The following LRP1B variants were observed in gnomAD, a reference collection of about 807,000 sequenced individuals.
The protein encoded by LRP1B is low-density lipoprotein receptor-related protein 1B.
A neutral mutation model predicts 556.6 loss-of-function variants in LRP1B; 217 were observed. That is an observed-to-expected ratio of 0.39 (90% CI 0.35 to 0.44). The LOEUF (loss-of-function observed/expected upper bound fraction) is 0.44. Ranked by LOEUF, LRP1B falls within the 20% of genes least tolerant of loss-of-function variation. The pLI, the probability that LRP1B is intolerant of heterozygous loss-of-function variation, is 1.00. For missense variants in LRP1B, 5,053 were observed against 5,620.8 expected, an observed-to-expected ratio of 0.90 and a Z score of 3.23; for synonymous variants, 2,047 against 1,865.8, an observed-to-expected ratio of 1.10 and a Z score of -2.50.
intron 3 of LRP1B, among the ~76,000 whole-genome samples, chr2:141,345,057 A>G (rs754447298): frequency 6.6e-6 from 1 of 152,194 alleles, no homozygotes; most frequent in Non-Finnish European, 1.5e-5. Context: ...AAGGAGAAGT[A>G]CGTTACAAAG....
chr2:141,927,383 T>G (rs1384516238), intron 1 of LRP1B, among the ~76,000 whole-genome samples: 2 of 152,108 alleles, frequency 1.3e-5, no homozygotes, highest in African/African-American at 4.8e-5. Context: ...GTAAACGATA[T>G]TTTTATAAAA....
At chr2:140,709,432 G>A (rs1030992317) in intron 37 of LRP1B, among the ~76,000 whole-genome samples, 13 of 150,482 alleles carry the variant, frequency 8.6e-5, no homozygotes, top group African/African-American at 3.1e-4. Context: ...AAGAGGAGGA[G>A]GGGGAGGAGG....
chr2:141,841,748 G>A (rs1262782830), intron 1 of LRP1B, among the ~76,000 whole-genome samples: 1 of 152,054 alleles, frequency 6.6e-6, no homozygotes, highest in Non-Finnish European at 1.5e-5. Flanking sequence ...TAGAAGTAAT[G>A]GTTTAACAAT....
rs557607735 is a variant in LRP1B, at chr2:140,525,902, G to A, written c.7968C>T (p.Thr2656=). ...CNSTSLCVLP[T]WICDGSNDCG... ...AGTCATTAGACCCGTCGCATATCCA[G>A]GTTGGCAGAACACACAGTGAGGTAG... is the stretch of plus-strand genomic sequence containing the variant. Residue 2656 remains threonine, a synonymous_variant, in exon 49 of 91, where the codon ACC becomes ACT. Transcript: ENST00000389484. 3.1e-6 allele frequency: 5 copies of A among 1,612,444 alleles called. No homozygotes were observed. In the South Asian group the frequency reaches 4.4e-5, roughly 14 times the overall value.
rs374345713 is a variant in LRP1B, at chr2:142,005,736, T to C, written c.82+124912A>G. ...TATCAAACTTGCAAAGCTATTTCAATATGAAAAGCCTAATCTTATTTCTCT... is the reference window on the plus strand; with the variant it reads ...TATCAAACTTGCAAAGCTATTTCAACATGAAAAGCCTAATCTTATTTCTCT... On this transcript the variant is annotated intron_variant, in intron 1 of 90. Coordinates refer to ENST00000389484, the MANE Select transcript of LRP1B (RefSeq NM_018557.3). Among the ~76,000 whole-genome samples, 92 of 152,188 alleles carry C rather than the reference T, an allele frequency of 6.0e-4. 2 individuals are homozygous for C. In the South Asian group the frequency reaches 6.8e-3, roughly 11 times the overall value.
intron 2 of LRP1B, among the ~76,000 whole-genome samples, chr2:141,652,854 C>A (rs778885640): frequency 6.6e-6 from 1 of 152,128 alleles, no homozygotes; most frequent in Non-Finnish European, 1.5e-5. Context: ...AGAAGAATGT[C>A]TACCTCTTGT....
chr2:140,631,040 G>C (rs11903511), intron 41 of LRP1B, among the ~76,000 whole-genome samples: 5,115 of 152,208 alleles, frequency 0.034, 134 homozygotes, highest in African/African-American at 0.071. Flanking sequence ...GAGCTGCAAG[G>C]CTCAGCCTCT....
chr2:141,860,458 C>T (rs993061174), intron 1 of LRP1B, among the ~76,000 whole-genome samples: 1 of 152,086 alleles, frequency 6.6e-6, no homozygotes, highest in Non-Finnish European at 1.5e-5. Context: ...TTCAAACTGG[C>T]AAGGAAAAGC....
At chr2:141,525,918 CTTT>C (rs936278510) in intron 2 of LRP1B, among the ~76,000 whole-genome samples, 31 of 151,948 alleles carry the variant, frequency 2.0e-4, no homozygotes, top group African/African-American at 7.0e-4. Flanking sequence ...GCTGGGTGTT[CTTT>C]GTTTTATTAT....
In LRP1B at chr2:140,297,839, C is replaced by T; in HGVS notation, c.12936G>A (p.Gln4312=). The T allele has an allele frequency of 6.2e-7, 1 of 1,613,750 alleles. No homozygotes were observed. The highest frequency in any genetic ancestry group is 8.5e-7 in the Non-Finnish European group (1 of 1,179,840). Reference sequence around the variant, plus strand: ...GACATCTGTCTCCGGTGTATTCCGGCTGGCAGTGGCAGTAAGGCTGGTTTC... The same window carrying T: ...GACATCTGTCTCCGGTGTATTCCGGTTGGCAGTGGCAGTAAGGCTGGTTTC... ...TAGNQPYCHC[Q]PEYTGDRCQY... The change falls in exon 84 of 91, where the codon CAG becomes CAA. Residue 4312 remains glutamine, a synonymous_variant. Transcript: ENST00000389484.
intron 7 of LRP1B, among the ~76,000 whole-genome samples, chr2:141,169,998 G>T (rs1351197660): frequency 6.6e-6 from 1 of 151,828 alleles, no homozygotes; most frequent in African/African-American, 2.4e-5. Context: ...TCATGGTGTG[G>T]GGTTAAATCT....
intron 66 of LRP1B, among the ~76,000 whole-genome samples, chr2:140,390,768 TCA>T (rs70985096): frequency 0.069 from 9,964 of 143,630 alleles, 450 homozygotes; most frequent in African/African-American, 0.13. Context: ...AATAGAAACT[TCA>T]CACACACACA....
At chr2:140,655,371 T>C (rs1684841706) in intron 41 of LRP1B, among the ~76,000 whole-genome samples, 1 of 152,168 alleles carries the variant, frequency 6.6e-6, no homozygotes, top group African/African-American at 2.4e-5. Flanking sequence ...TTCTAGGTTC[T>C]TATAATTGTC....
At chr2:141,425,031 T>G (rs1397466368) in intron 3 of LRP1B, among the ~76,000 whole-genome samples, 1 of 151,266 alleles carries the variant, frequency 6.6e-6, no homozygotes, top group Non-Finnish European at 1.5e-5. Context: ...AACTCGTCAT[T>G]TAGCATTAGG....
In LRP1B at chr2:140,286,024, A is replaced by G. The variant is rs548686963; in HGVS notation, c.12968-11426T>C. Among the ~76,000 whole-genome samples, 64 of 152,012 alleles carry G rather than the reference A, an allele frequency of 4.2e-4. 1 individual carries two copies. The Middle Eastern group carries it at 0.01, about 24-fold the overall frequency. Reference sequence around the variant, plus strand: ...CTCTAGTCTCACTACCTGACATATAACATGTTTGCATATTCTTTATAAATA... The same window carrying G: ...CTCTAGTCTCACTACCTGACATATAGCATGTTTGCATATTCTTTATAAATA... On this transcript the variant is annotated intron_variant, in intron 84 of 90. Coordinates refer to ENST00000389484, the MANE Select transcript of LRP1B (RefSeq NM_018557.3).
At chr2:141,031,861 T>A (rs994707936) in intron 11 of LRP1B, among the ~76,000 whole-genome samples, 2 of 151,764 alleles carry the variant, frequency 1.3e-5, no homozygotes, top group African/African-American at 4.8e-5. Flanking sequence ...TTTTAAGCAA[T>A]CATCCATGTT....
chr2:141,547,463 A>C (rs1012132558), intron 2 of LRP1B, among the ~76,000 whole-genome samples: 1 of 152,120 alleles, frequency 6.6e-6, no homozygotes, highest in Non-Finnish European at 1.5e-5. Context: ...ACTCTTTGAC[A>C]GTCCTGTTGC....
intron 84 of LRP1B, among the ~76,000 whole-genome samples, chr2:140,296,477 T>C (rs1159409309): frequency 6.6e-6 from 1 of 152,072 alleles, no homozygotes; most frequent in East Asian, 1.9e-4. Flanking sequence ...GACAATTAGG[T>C]ATAAAAACCT....
At chr2:141,832,485 C>T (rs352991) in intron 1 of LRP1B, among the ~76,000 whole-genome samples, 93,157 of 151,388 alleles carry the variant, frequency 0.62, 28,963 homozygotes, top group Middle Eastern at 0.71. Flanking sequence ...CTGGTTCAAA[C>T]TGTCTTTAGG....
Sources: gnomAD v4.1 joint callset for allele counts (sites outside exome capture counted in the v4.1 genomes callset) on GRCh38, gnomAD v4.1.1 for gene constraint, MANE v1.5 for transcripts, NCBI Gene and HGNC (gene_info 2026-07-23, HGNC 2026-07-21) for gene names.